GXYLT2: variants seen among roughly 807,000 people sequenced by gnomAD.
The protein encoded by GXYLT2 is glycosyltransferase 8 domain containing 4.
A neutral mutation model predicts 45.8 loss-of-function variants in GXYLT2; 53 were observed. That is an observed-to-expected ratio of 1.16 (90% confidence interval 0.93 to 1.46). The LOEUF (loss-of-function observed/expected upper bound fraction) is 1.46, where lower values mean the gene tolerates loss of function less well. Ranked by LOEUF, GXYLT2 falls within the 40% of genes most tolerant of loss-of-function variation. The pLI, the probability that GXYLT2 is intolerant of heterozygous loss-of-function variation, is 0.00. For synonymous variants in GXYLT2, 219 were observed against 214.2 expected (o/e 1.02, Z -0.19); for missense variants, 551 against 544.4 (o/e 1.01, Z -0.12).
intron 3 of GXYLT2, among the ~76,000 whole-genome samples, chr3:72,934,020 T>C (rs1245278787): frequency 6.6e-6 from 1 of 152,122 alleles, no homozygotes; most frequent in African/African-American, 2.4e-5. Flanking sequence ...AAATTATTTG[T>C]ATTTGTATTC....
At chr3:72,900,577 G>A (rs940109970) in intron 1 of GXYLT2, among the ~76,000 whole-genome samples, 3 of 152,056 alleles carry the variant, frequency 2.0e-5, no homozygotes, top group Middle Eastern at 3.4e-3. Flanking sequence ...ACCACACCCA[G>A]CTACTTCTTT....
At chr3:72,889,692 AG>A (rs1156243046) in intron 1 of GXYLT2, among the ~76,000 whole-genome samples, 1 of 152,208 alleles carries the variant, frequency 6.6e-6, no homozygotes, top group Non-Finnish European at 1.5e-5. Flanking sequence ...GAGATTAATT[AG>A]GGTTTAACTG....
At chr3:72,966,649 T>G (rs1710872454) in intron 5 of GXYLT2, among the ~76,000 whole-genome samples, 1 of 151,322 alleles carries the variant, frequency 6.6e-6, no homozygotes, top group African/African-American at 2.4e-5. Flanking sequence ...TTTTTTGTTT[T>G]GAGACAGTCT....
intron 1 of GXYLT2, among the ~76,000 whole-genome samples, chr3:72,895,668 C>T (rs1709274630): frequency 3.3e-5 from 5 of 152,170 alleles, no homozygotes; most frequent in Admixed American, 3.3e-4. Flanking sequence ...AAAGAGACTT[C>T]TGTTGAAGAT....
intron 3 of GXYLT2, among the ~76,000 whole-genome samples, chr3:72,946,084 C>G (rs537143916): frequency 2.0e-5 from 3 of 151,854 alleles, no homozygotes; most frequent in South Asian, 4.2e-4. Flanking sequence ...TGAGATCAAT[C>G]CGGGCAACAT....
chr3:72,889,947 C>T (rs1278137906), intron 1 of GXYLT2, among the ~76,000 whole-genome samples: 2 of 149,472 alleles, frequency 1.3e-5, no homozygotes, highest in African/African-American at 2.5e-5. Flanking sequence ...CCTCTGTCGC[C>T]CAGGCTGGAG....
chr3:72,921,736 C>T (rs936882336), intron 2 of GXYLT2, among the ~76,000 whole-genome samples: 4 of 152,116 alleles, frequency 2.6e-5, no homozygotes, highest in Non-Finnish European at 5.9e-5. Flanking sequence ...GTCCCTCTAA[C>T]GGTACATTAT....
At chr3:72,917,263 C>T (rs1380520408) in intron 2 of GXYLT2, among the ~76,000 whole-genome samples, 2 of 151,966 alleles carry the variant, frequency 1.3e-5, no homozygotes, top group African/African-American at 4.8e-5. Context: ...CATACTTTTT[C>T]GAGGGCTGAT....
At chr3:72,910,408 T>A (rs1468731393) in intron 2 of GXYLT2, among the ~76,000 whole-genome samples, 2 of 152,172 alleles carry the variant, frequency 1.3e-5, no homozygotes, top group African/African-American at 4.8e-5. Flanking sequence ...ACTATGTACT[T>A]GCTATATGAC....
chr3:72,899,955 G>A (rs1709370891), intron 1 of GXYLT2, among the ~76,000 whole-genome samples: 1 of 152,172 alleles, frequency 6.6e-6, no homozygotes, highest in Non-Finnish European at 1.5e-5. Flanking sequence ...GTATTTGAAA[G>A]AAGTGCGATT....
In GXYLT2 at chr3:72,965,697, A is replaced by ATGTCC. The variant is rs1269869491; in HGVS notation, c.977-1847_977-1846insCCTGT. On this transcript the variant is annotated intron_variant, in intron 5 of 6. Transcript: ENST00000389617. Reference sequence around the variant, plus strand: ...TGGGGACTGTCCTGTTCATTATAGGATGTTCAGAGCACCCACTAGATGCCA... The same window carrying ATGTCC: ...TGGGGACTGTCCTGTTCATTATAGGATGTCCTGTTCAGAGCACCCACTAGATGCCA... Among the ~76,000 whole-genome samples, 64 of 152,226 alleles carry ATGTCC rather than the reference A, an allele frequency of 4.2e-4. 1 individual carries two copies. The East Asian group carries it at 0.012, about 28-fold the overall frequency.
At chr3:72,965,646 C>A (rs1710852924) in intron 5 of GXYLT2, among the ~76,000 whole-genome samples, 1 of 152,310 alleles carries the variant, frequency 6.6e-6, no homozygotes, top group Middle Eastern at 3.4e-3. Context: ...GGCAGAGTTT[C>A]TCAACATCAG....
At chr3:72,971,722 G>C (rs1710987901) in intron 6 of GXYLT2, among the ~76,000 whole-genome samples, 1 of 152,144 alleles carries the variant, frequency 6.6e-6, no homozygotes, top group Non-Finnish European at 1.5e-5. Context: ...GCTGAGGCAG[G>C]TGGATCACTT....
chr3:72,961,674 A>AAAAAAAAAAAAAAG (rs1278781750), intron 5 of GXYLT2, among the ~76,000 whole-genome samples: 2 of 118,978 alleles, frequency 1.7e-5, no homozygotes, highest in Non-Finnish European at 1.7e-5. Flanking sequence ...AAAAAAAAAA[A>AAAAAAAAAAAAAAG]AGAGAGAGAG....
chr3:72,961,674 A>AAAAAAAAAAG (rs1278781750), intron 5 of GXYLT2, among the ~76,000 whole-genome samples: 39 of 118,974 alleles, frequency 3.3e-4, no homozygotes, highest in East Asian at 7.2e-4. Flanking sequence ...AAAAAAAAAA[A>AAAAAAAAAAG]AGAGAGAGAG....
At chr3:72,968,953 C>T (rs1710929723) in intron 6 of GXYLT2, among the ~76,000 whole-genome samples, 1 of 151,940 alleles carries the variant, frequency 6.6e-6, no homozygotes, top group Admixed American at 6.6e-5. Flanking sequence ...CGCCTGTAGT[C>T]CCAGCTACTC....
At chr3:72,912,705 ATG>A in intron 2 of GXYLT2, among the ~76,000 whole-genome samples, 1 of 152,302 alleles carries the variant, frequency 6.6e-6, no homozygotes, top group African/African-American at 2.4e-5. Flanking sequence ...ACGTCTAGAC[ATG>A]TGAGTGAATA....
chr3:72,914,363 C>G (rs1709689953), intron 2 of GXYLT2, among the ~76,000 whole-genome samples: 1 of 151,992 alleles, frequency 6.6e-6, no homozygotes, highest in African/African-American at 2.4e-5. Flanking sequence ...TTTCCGGCAG[C>G]TTGGGATCAG....
At chr3:72,938,894 G>A (rs1204225850) in intron 3 of GXYLT2, among the ~76,000 whole-genome samples, 1 of 152,146 alleles carries the variant, frequency 6.6e-6, no homozygotes, top group Non-Finnish European at 1.5e-5. Context: ...GCTCAACTCA[G>A]AAGCAATCAG....
Sources: allele counts gnomAD v4.1 joint callset (sites outside exome capture counted in the v4.1 genomes callset), GRCh38; gene constraint gnomAD v4.1.1; transcripts MANE v1.5; gene names NCBI Gene and HGNC (gene_info 2026-07-23, HGNC 2026-07-21).